The following TRMT10B variants were observed in gnomAD, a reference collection of about 807,000 sequenced individuals.
TRMT10B encodes the protein tRNA methyltransferase 10 homolog B.
TRMT10B carries 33 observed loss-of-function variants against 43.8 expected under a neutral mutation model. That is an observed-to-expected ratio of 0.75 (90% CI 0.57 to 1.01). The LOEUF (loss-of-function observed/expected upper bound fraction) is 1.01, where lower values mean the gene tolerates loss of function less well. TRMT10B is among the 50% of genes least tolerant of loss of function. TRMT10B has a pLI of 0.00. For synonymous variants in TRMT10B, 137 were observed against 130.6 expected (o/e 1.05, Z -0.34); for missense variants, 362 against 369.8 (o/e 0.98, Z 0.17).
rs1433240302 is a variant in TRMT10B at position 37,774,927 on chromosome 9, G to A, written c.721-1355G>A. Among the ~76,000 whole-genome samples, 9 of 152,186 alleles carry A rather than the reference G, an allele frequency of 5.9e-5. No homozygotes were observed. In the East Asian group the frequency reaches 1.7e-3, roughly 29 times the overall value. ...GGGACTTGAAATTCAAAGAAGAGTT[G>A]ACAGAACTGAGGCTACAATCTGGAG... is the stretch of plus-strand genomic sequence containing the variant. On this transcript the variant is annotated intron_variant, in intron 7 of 8. Transcript: ENST00000297994.
At chr9:37,764,963 T>C (rs1461169305) in intron 4 of TRMT10B, among the ~76,000 whole-genome samples, 1 of 152,058 alleles carries the variant, frequency 6.6e-6, no homozygotes, top group East Asian at 1.9e-4. Flanking sequence ...TGAGGTGGGC[T>C]TTGTAGTATC....
chr9:37,759,837 G>T (rs1284231526), intron 1 of TRMT10B, among the ~76,000 whole-genome samples: 1 of 152,154 alleles, frequency 6.6e-6, no homozygotes, highest in Non-Finnish European at 1.5e-5. Flanking sequence ...ACTTTCTGCG[G>T]TGATGGAAAC....
At chr9:37,773,609 G>C (rs553232354) in intron 7 of TRMT10B, among the ~76,000 whole-genome samples, 1 of 152,288 alleles carries the variant, frequency 6.6e-6, no homozygotes, top group East Asian at 1.9e-4. Flanking sequence ...GCCAAGTCAG[G>C]CAAATCACAA....
chr9:37,761,219 C>A (rs993678360), intron 1 of TRMT10B, among the ~76,000 whole-genome samples: 1 of 152,180 alleles, frequency 6.6e-6, no homozygotes, highest in African/African-American at 2.4e-5. Flanking sequence ...GCTAAAGGAA[C>A]AATTTTGAAA....
At chr9:37,768,353 C>A in intron 5 of TRMT10B, 125 bp downstream of exon 5, 2 of 1,092,950 alleles carry the variant, frequency 1.8e-6, no homozygotes, top group Non-Finnish European at 2.6e-6. Flanking sequence ...AATTCAGAAC[C>A]TCTCATAAGT....
At chr9:37,754,236 A>G (rs761376972) in intron 1 of TRMT10B, among the ~76,000 whole-genome samples, 37 of 152,202 alleles carry the variant, frequency 2.4e-4, no homozygotes, top group Non-Finnish European at 4.4e-4. Flanking sequence ...ACTTGCCTAC[A>G]TTGAAGGGAT....
chr9:37,768,177 T>C lies in TRMT10B; in HGVS notation c.522T>C (p.Ser174=). 1 of 1,614,176 alleles carries C rather than the reference T, an allele frequency of 6.2e-7. No homozygotes were observed. The highest frequency in any genetic ancestry group is 1.3e-5 in the African/African-American group (1 of 75,044). The stretch of plus-strand genomic sequence containing the variant: ...GCCTCACTGGATTCACAACAGACAG[T>C]CCCCTTTATGAAGAGTGTGTGAGGA... ...WICLTGFTTD[S]PLYEECVRMN... is the part of the protein sequence containing the mutation. Residue 174 remains serine (S), a synonymous_variant, in exon 5 of 9, where the codon AGT becomes AGC. Transcript: ENST00000297994.
At chr9:37,777,499 C>A in intron 8 of TRMT10B, 102 bp from the exon 9 acceptor site, 1 of 952,616 alleles carries the variant, frequency 1.0e-6, no homozygotes, top group Non-Finnish European at 1.6e-6. Flanking sequence ...ACATATGGTG[C>A]AGAATAGGTT....
intron 7 of TRMT10B, among the ~76,000 whole-genome samples, chr9:37,773,028 G>GA (rs1284297774): frequency 1.3e-5 from 2 of 152,328 alleles, no homozygotes; most frequent in South Asian, 2.1e-4. Context: ...TGGTAAGGTA[G>GA]AATGTCATTG....
rs747893643 is a variant in TRMT10B at position 37,763,143 on chromosome 9, C to CAAAAAAAA, written c.296-471_296-464dup. Among the ~76,000 whole-genome samples the CAAAAAAAA allele has an allele frequency of 3.7e-3, 185 of 50,112 alleles. 3 individuals carry two copies. Among genetic ancestry groups the CAAAAAAAA allele is most frequent in the Non-Finnish European group, 5.8e-3 (147 of 25,400 alleles). 32.9% of individuals were successfully genotyped at this position (50,112 alleles called of 152,430 possible). A position where few individuals can be genotyped will look rare whatever the true frequency, so the allele number is the denominator to read the frequency against. On this transcript the variant is annotated intron_variant, in intron 3 of 8. Coordinates refer to ENST00000297994, the MANE Select transcript of TRMT10B (RefSeq NM_144964.4). ...TGGGTGACAGAGTGAGACTCTGTCT[C>CAAAAAAAA]AAAAAAAAAAAAAAAAAAAAAACAA...
chr9:37,756,773 T>TAC (rs1825743753), intron 1 of TRMT10B, among the ~76,000 whole-genome samples: 1 of 151,346 alleles, frequency 6.6e-6, no homozygotes, highest in African/African-American at 2.4e-5. Context: ...TACACATATA[T>TAC]ACATATGTGT....
intron 1 of TRMT10B, among the ~76,000 whole-genome samples, chr9:37,754,555 C>G (rs1273778899): frequency 6.6e-6 from 1 of 152,118 alleles, no homozygotes; most frequent in African/African-American, 2.4e-5. Context: ...AGGATGCTCA[C>G]AGGGCTCGGG....
At chr9:37,752,973 C>T (rs539820595), upstream of TRMT10B, among the ~76,000 whole-genome samples, 7 of 152,260 alleles carry the variant, frequency 4.6e-5, no homozygotes, top group East Asian at 5.8e-4. Flanking sequence ...TGCTTGCTAA[C>T]CCTTTGGGTC....
chr9:37,770,102 TCAAGAAGGA>T, intron 6 of TRMT10B, 83 bp downstream of exon 6: 2 of 1,271,760 alleles, frequency 1.6e-6, no homozygotes, highest in South Asian at 2.4e-5. Context: ...TTAAAGCCCC[TCAAGAAGGA>T]CACCCCTCCC....
At chr9:37,774,255 C>A (rs574349524) in intron 7 of TRMT10B, among the ~76,000 whole-genome samples, 2 of 152,290 alleles carry the variant, frequency 1.3e-5, no homozygotes, top group Non-Finnish European at 2.9e-5. Flanking sequence ...ACCTGCCTCA[C>A]CCTCCCAAAG....
At chr9:37,756,853 T>TAC (rs113116259) in intron 1 of TRMT10B, among the ~76,000 whole-genome samples, 2,065 of 151,872 alleles carry the variant, frequency 0.014, 47 homozygotes, top group African/African-American at 0.046. Flanking sequence ...TGTGTATATA[T>TAC]ACACACACAC....
intron 6 of TRMT10B, among the ~76,000 whole-genome samples, 170 bp from the exon 7 acceptor site, chr9:37,770,502 C>T (rs1029554307): frequency 6.6e-6 from 1 of 152,136 alleles, no homozygotes; most frequent in African/African-American, 2.4e-5. Flanking sequence ...AACAGTTTGT[C>T]TGTTTTATTG....
In TRMT10B at chr9:37,768,237, CTT is replaced by C; in HGVS notation, c.573+13_573+14del. 1.2e-6 allele frequency: 2 copies of C among 1,601,248 alleles called. No individual in the cohort carries two copies. The highest frequency in any genetic ancestry group is 1.7e-6 in the Non-Finnish European group (2 of 1,172,976). On this transcript the variant is annotated intron_variant, in intron 5 of 8. Coordinates refer to ENST00000297994, the MANE Select transcript of TRMT10B (RefSeq NM_144964.4). ...GATTTTCTAGTTACCTGGTAAGTCT[CTT>C]TTTGCATATTATTTGAATTGTCATC...
intron 7 of TRMT10B, among the ~76,000 whole-genome samples, chr9:37,772,804 T>C (rs1157496371): frequency 6.6e-6 from 1 of 152,008 alleles, no homozygotes; most frequent in African/African-American, 2.4e-5. Context: ...GGGCAACACA[T>C]TGAGAACCTA....
Sources: gnomAD v4.1 joint callset for allele counts (sites outside exome capture counted in the v4.1 genomes callset) on GRCh38, gnomAD v4.1.1 for gene constraint, MANE v1.5 for transcripts, NCBI Gene and HGNC (gene_info 2026-07-23, HGNC 2026-07-21) for gene names.